D2HGDH: variants seen among roughly 807,000 people sequenced by gnomAD.
D2HGDH encodes D-2-hydroxyglutarate dehydrogenase.
D2HGDH carries 31 observed loss-of-function variants against 46.9 expected under a neutral mutation model. The observed-to-expected ratio is 0.66, with a 90% confidence interval of 0.50 to 0.89. D2HGDH has a LOEUF of 0.89. Among genes scored for constraint, D2HGDH ranks in the 40% least tolerant of loss-of-function variants. The probability of loss-of-function intolerance (pLI) is 0.00; values close to 1 mark genes in which losing one functional copy is unlikely to be tolerated. For missense variants in D2HGDH, 698 were observed against 720.8 expected (o/e 0.97, Z 0.36); for synonymous variants, 364 against 332.6 (o/e 1.09, Z -1.03).
At chr2:241,759,526 A>G (rs527531725) in intron 9 of D2HGDH, among the ~76,000 whole-genome samples, 1 of 152,114 alleles carries the variant, frequency 6.6e-6, no homozygotes, top group East Asian at 1.9e-4. Context: ...GGTTAGCTTC[A>G]GCTTTTCCAT....
chr2:241,756,008 C>T lies in D2HGDH; in HGVS notation c.1300C>T (p.His434Tyr). The change falls in exon 9 of 10, where the codon CAC becomes TAC. Residue 434 changes from histidine (H) to tyrosine (Y), a missense_variant. By Grantham distance (83) the His-to-Tyr change is moderately conservative (BLOSUM62 2). Coordinates refer to ENST00000321264, the MANE Select transcript of D2HGDH (RefSeq NM_152783.5). ...CGCCAAGCACGTGGTGGGCTATGGCCACCTTGGTGAGCGGCGCCCCGGGGC... is the reference window on the plus strand; with the variant it reads ...CGCCAAGCACGTGGTGGGCTATGGCTACCTTGGTGAGCGGCGCCCCGGGGC... Reference protein sequence around the residue: ...PHAKHVVGYGHLGDGNLHLNV... With the variant: ...PHAKHVVGYGYLGDGNLHLNV... The T allele has an allele frequency of 6.3e-7, 1 of 1,597,276 alleles. No individual in the cohort carries two copies. The highest frequency in any genetic ancestry group is 1.1e-5 in the South Asian group (1 of 90,572).
chr2:241,763,347 G>A (rs188446108), intron 9 of D2HGDH, among the ~76,000 whole-genome samples: 40 of 152,312 alleles, frequency 2.6e-4, no homozygotes, highest in African/African-American at 9.6e-4. Context: ...AAGCAGTTGT[G>A]ACATAATGCT....
chr2:241,738,178 A>G (rs892593405), intron 2 of D2HGDH, among the ~76,000 whole-genome samples: 1 of 152,190 alleles, frequency 6.6e-6, no homozygotes, highest in Non-Finnish European at 1.5e-5. Flanking sequence ...TCCCGAAGTA[A>G]GGACCCCTCT....
intron 8 of D2HGDH, among the ~76,000 whole-genome samples, chr2:241,753,456 C>G (rs944807928): frequency 2.0e-5 from 3 of 150,318 alleles, no homozygotes; most frequent in African/African-American, 4.9e-5. Context: ...AGGCTTTTCT[C>G]TGCTGTTGTC....
chr2:241,764,764 G>A lies in D2HGDH; in HGVS notation c.1307-2946G>A, dbSNP rs574302973. 6.6e-5 allele frequency among the ~76,000 whole-genome samples: 10 copies of A among 152,338 alleles called. No individual in the cohort carries two copies. The South Asian group carries it at 1.5e-3, about 22-fold the overall frequency. On this transcript the variant is annotated intron_variant, in intron 9 of 9. Coordinates refer to ENST00000321264, the MANE Select transcript of D2HGDH (RefSeq NM_152783.5). ...TGGTTTGCCTCTGGAGCTCCTCCTC[G>A]GTGTGCAGCTCTGCGTTAAAAGCCG... is the stretch of plus-strand genomic sequence containing the variant.
rs1244243288 is a variant in D2HGDH at position 241,743,728 on chromosome 2, C to A, written c.597C>A (p.His199Gln). The part of the protein sequence containing the change: ...PLDLGAKGSC[H>Q]IGGNVATNAG... ...ACTTAGGAGCCAAGGGCAGCTGCCA[C>A]ATCGGGGGAAACGTGGCAACCAACG... The change falls in exon 5 of 10, where the codon CAC becomes CAA. Residue 199 changes from histidine (H) to glutamine (Q), a missense_variant. Transcript: ENST00000321264. This position sits in a 1 kb window ranked among gnomAD's most constrained non-coding sequence, Gnocchi z 4.8. 5.0e-6 allele frequency: 8 copies of A among 1,613,562 alleles called. No individual in the cohort carries two copies. The South Asian group carries it at 8.8e-5, about 18-fold the overall frequency.
At chr2:241,746,647 T>C (rs965693787) in intron 6 of D2HGDH, among the ~76,000 whole-genome samples, 2 of 152,112 alleles carry the variant, frequency 1.3e-5, no homozygotes, top group Non-Finnish European at 2.9e-5. Context: ...CCCAGCACTT[T>C]GGGAGGCTGA....
intron 1 of D2HGDH, 78 bp from the exon 2 acceptor site, chr2:241,735,055 C>A: frequency 2.7e-6 from 2 of 752,936 alleles, no homozygotes; most frequent in Non-Finnish European, 4.0e-6. Flanking sequence ...TGCCCTCCTG[C>A]CCCCTCCCTG....
intron 9 of D2HGDH, among the ~76,000 whole-genome samples, chr2:241,760,533 C>A (rs113240858): frequency 1.3e-5 from 2 of 150,400 alleles, no homozygotes; most frequent in Non-Finnish European, 2.9e-5. Context: ...GGGCCTTACC[C>A]AATCAGTCAA....
rs1694816673 is a variant in D2HGDH at position 241,742,726 on chromosome 2, T to G, written c.490+152T>G. 1.0e-6 allele frequency: 1 copy of G among 986,002 alleles called. No homozygotes were observed. The highest frequency in any genetic ancestry group is 2.6e-5 in the East Asian group (1 of 39,000). The allele number at this position is 986,002 out of a possible 1,614,324, so 61.1% of individuals were successfully genotyped here. ...AACCAGCGTCTGTAGCCTGGCCGCCTAGCCCCACCTCGCCCGGCCCCTCCA... is the reference window on the plus strand; with the variant it reads ...AACCAGCGTCTGTAGCCTGGCCGCCGAGCCCCACCTCGCCCGGCCCCTCCA... On this transcript the variant is annotated intron_variant, in intron 4 of 9. Transcript: ENST00000321264. The surrounding 1 kb of genome is among the most constrained non-coding windows in gnomAD (Gnocchi z 4.8).
intron 7 of D2HGDH, 44 bp from the exon 8 acceptor site, chr2:241,751,202 C>T: frequency 6.2e-7 from 1 of 1,613,428 alleles, no homozygotes; most frequent in South Asian, 1.1e-5. Context: ...CTTGCCCTGG[C>T]AGCCGGAGCC....
intron 2 of D2HGDH, among the ~76,000 whole-genome samples, chr2:241,740,374 C>T (rs1575198810): frequency 6.6e-6 from 1 of 152,052 alleles, no homozygotes; most frequent in Non-Finnish European, 1.5e-5. Flanking sequence ...ATCCCGTTAC[C>T]GTGGGACCGA....
chr2:241,760,170 A>G (rs1698634959), intron 9 of D2HGDH, among the ~76,000 whole-genome samples: 1 of 84,636 alleles, frequency 1.2e-5, no homozygotes, highest in Admixed American at 1.1e-4. Context: ...GGCCTTTGCT[A>G]CAGTGTGGGT....
Position 241,767,780 on chromosome 2 carries a change from C to T in D2HGDH, c.1377C>T (p.Pro459=), listed in dbSNP as rs143940595. ...CCTCGCTCCTGGCTGCCCTGGAGCC[C>T]CACGTGTACGAGTGGACGGCCGGGC... ...FSPSLLAALE[P]HVYEWTAGQQ... Residue 459 remains proline, a synonymous_variant, in exon 10 of 10, where the codon CCC becomes CCT. Transcript: ENST00000321264. 1.2e-6 allele frequency: 2 copies of T among 1,612,486 alleles called. No individual in the cohort carries two copies. The highest frequency in any genetic ancestry group is 2.2e-5 in the East Asian group (1 of 44,866).
intron 6 of D2HGDH, among the ~76,000 whole-genome samples, chr2:241,745,513 C>T (rs867644450): frequency 1.3e-5 from 2 of 152,226 alleles, no homozygotes; most frequent in South Asian, 2.1e-4. Flanking sequence ...ACTCCCAGTT[C>T]GGTGTCTTGA....
intron 8 of D2HGDH, 47 bp downstream of exon 8, chr2:241,751,435 C>A (rs773319376): frequency 1.2e-6 from 2 of 1,608,578 alleles, no homozygotes; most frequent in South Asian, 2.2e-5. Flanking sequence ...TCCGTCCAGT[C>A]CAGCCTTGTC....
intron 9 of D2HGDH, among the ~76,000 whole-genome samples, chr2:241,759,969 T>G (rs1698593111): frequency 6.6e-6 from 1 of 152,302 alleles, no homozygotes; most frequent in Admixed American, 6.5e-5. Flanking sequence ...AACATTTAAA[T>G]CAGTAGACGT....
In D2HGDH at chr2:241,743,882, C is replaced by A; in HGVS notation, c.684+67C>A. 6.6e-7 allele frequency: 1 copy of A among 1,524,442 alleles called. No individual in the cohort carries two copies. The highest frequency in any genetic ancestry group is 8.9e-7 in the Non-Finnish European group (1 of 1,125,904). The allele number at this position is 1,524,442 out of a possible 1,614,324, so 94.4% of individuals were successfully genotyped here. ...TGTCCTCTCACGGCTCTCATGGGCC[C>A]ACGTGGTGGCACAGGTGCATGGGGC... is the stretch of plus-strand genomic sequence containing the variant. On this transcript the variant is annotated intron_variant, in intron 5 of 9. Transcript: ENST00000321264. The surrounding 1 kb of genome is among the most constrained non-coding windows in gnomAD (Gnocchi z 4.8).
chr2:241,755,181 G>A (rs1369131453), intron 8 of D2HGDH: 2 of 1,300,156 alleles, frequency 1.5e-6, no homozygotes, highest in Admixed American at 4.6e-5. Flanking sequence ...CCTCCCCCGT[G>A]GCCCGCCCGC....
Sources: gnomAD v4.1 joint callset for allele counts (sites outside exome capture counted in the v4.1 genomes callset) on GRCh38, gnomAD v4.1.1 for gene constraint, Gnocchi (gnomAD v3.1) non-coding constraint, MANE v1.5 for transcripts, NCBI Gene and HGNC (gene_info 2026-07-23, HGNC 2026-07-21) for gene names.